The following TMOD3 variants were observed in gnomAD, a reference collection of about 807,000 sequenced individuals.
TMOD3 encodes the protein tropomodulin 3, also known as tropomodulin-3.
A neutral mutation model predicts 39.2 loss-of-function variants in TMOD3; 20 were observed. That is an observed-to-expected ratio of 0.51 (90% CI 0.36 to 0.74). The LOEUF (loss-of-function observed/expected upper bound fraction) is 0.74, where lower values mean the gene tolerates loss of function less well. Ranked by LOEUF, TMOD3 falls within the 30% of genes least tolerant of loss-of-function variation. TMOD3 has a pLI of 0.00. For missense variants in TMOD3, 381 were observed against 412.8 expected (o/e 0.92, Z 0.67); for synonymous variants, 143 against 145.8 (o/e 0.98, Z 0.14).
rs925205666 is a variant in TMOD3, at chr15:51,844,062, G to A, written c.-75+14226G>A. On this transcript the variant is annotated intron_variant, in intron 1 of 9. Coordinates refer to ENST00000308580, the MANE Select transcript of TMOD3 (RefSeq NM_014547.5). Reference sequence around the variant, plus strand: ...ATTTTTTCATATGCAGCATCAAACTGCAACAAATGATTGAATTGTCCTTTA... The same window carrying A: ...ATTTTTTCATATGCAGCATCAAACTACAACAAATGATTGAATTGTCCTTTA... Among the ~76,000 whole-genome samples the A allele has an allele frequency of 1.1e-4, 16 of 151,986 alleles. 1 individual carries two copies. The East Asian group carries it at 3.1e-3, about 29-fold the overall frequency.
intron 3 of TMOD3, among the ~76,000 whole-genome samples, chr15:51,872,596 A>C (rs2056480809): frequency 9.3e-6 from 1 of 107,436 alleles, no homozygotes; most frequent in Non-Finnish European, 2.0e-5. Flanking sequence ...TGAGGACCAA[A>C]TTTGTTTTTT....
At chr15:51,887,550 G>A (rs771045369) in intron 3 of TMOD3, 39 bp from the exon 4 acceptor site, 1 of 1,597,828 alleles carries the variant, frequency 6.3e-7, no homozygotes, top group South Asian at 1.1e-5. Flanking sequence ...TGAGTTGATA[G>A]CAGTAGTAAT....
chr15:51,835,498 G>C (rs1282581552), intron 1 of TMOD3, among the ~76,000 whole-genome samples: 2 of 152,120 alleles, frequency 1.3e-5, no homozygotes, highest in Non-Finnish European at 2.9e-5. Context: ...TAGTAGAGAT[G>C]GAGTTTCATC....
At chr15:51,855,403 G>A (rs891638262) in intron 1 of TMOD3, among the ~76,000 whole-genome samples, 9 of 152,220 alleles carry the variant, frequency 5.9e-5, no homozygotes, top group Non-Finnish European at 1.3e-4. Context: ...GCACTCAAAA[G>A]CAGGAGAAAC....
At chr15:51,883,527 G>C (rs1028772606) in intron 3 of TMOD3, among the ~76,000 whole-genome samples, 2 of 152,032 alleles carry the variant, frequency 1.3e-5, no homozygotes, top group African/African-American at 2.4e-5. Flanking sequence ...ACACATTGTG[G>C]AATAGCTAAA....
intron 5 of TMOD3, among the ~76,000 whole-genome samples, chr15:51,889,611 G>A (rs2056582245): frequency 6.6e-6 from 1 of 152,168 alleles, no homozygotes; most frequent in African/African-American, 2.4e-5. Flanking sequence ...GGTGGATCAT[G>A]ACTGTAATTT....
At chr15:51,905,134 C>A (rs950420585) in intron 9 of TMOD3, among the ~76,000 whole-genome samples, 3 of 152,202 alleles carry the variant, frequency 2.0e-5, no homozygotes, top group African/African-American at 7.2e-5. Context: ...TGACTCATAT[C>A]ATGATGCTGG....
intron 3 of TMOD3, among the ~76,000 whole-genome samples, chr15:51,877,171 ATTG>A (rs1197397373): frequency 1.3e-5 from 2 of 152,164 alleles, no homozygotes; most frequent in African/African-American, 4.8e-5. Context: ...ATCATCTATC[ATTG>A]TTAAGTCAAT....
chr15:51,864,610 A>G (rs2056435844), intron 2 of TMOD3, among the ~76,000 whole-genome samples: 1 of 152,172 alleles, frequency 6.6e-6, no homozygotes, highest in Non-Finnish European at 1.5e-5. Context: ...AGGCAAAAGG[A>G]TCAAGGAACA....
Position 51,900,245 on chromosome 15 carries a change from A to C in TMOD3, c.826A>C (p.Ile276Leu). The change falls in exon 8 of 10, where the codon ATT (isoleucine) becomes CTT (leucine). Residue 276 changes from isoleucine to leucine, a missense_variant. By Grantham distance (5) the Ile-to-Leu change is conservative. Coordinates refer to ENST00000308580, the MANE Select transcript of TMOD3 (RefSeq NM_014547.5). ...FITGVGILAL[I>L]DALRDNETLA... ...CACGGGAGTTGGGATTCTGGCACTG[A>C]TTGATGCGTTAAGAGATAATGAAAC... The C allele has an allele frequency of 1.2e-6, 2 of 1,614,172 alleles. No individual in the cohort carries two copies. The highest frequency in any genetic ancestry group is 1.7e-6 in the Non-Finnish European group (2 of 1,180,040).
At chr15:51,902,348 A>G (rs1445216271) in intron 9 of TMOD3, among the ~76,000 whole-genome samples, 2 of 151,974 alleles carry the variant, frequency 1.3e-5, no homozygotes, top group Non-Finnish European at 2.9e-5. Flanking sequence ...AGATTTCAAC[A>G]TTATCGGAAA....
In TMOD3 at chr15:51,859,278, C is replaced by T. The variant is rs184129848; in HGVS notation, c.-74-3533C>T. Reference sequence around the variant, plus strand: ...TTTCATTGCTCGCCAGTAGATCTGTCTGCAGTTTTCAGGTCTACCAAGGGG... The same window carrying T: ...TTTCATTGCTCGCCAGTAGATCTGTTTGCAGTTTTCAGGTCTACCAAGGGG... On this transcript the variant is annotated intron_variant, in intron 1 of 9. Transcript: ENST00000308580. The T allele has an allele frequency of 1.4e-3, 1,026 of 737,428 alleles. 1 individual carries two copies. The highest frequency in any genetic ancestry group is 2.4e-3 in the Admixed American group (138 of 57,416). The allele number at this position is 737,428 out of a possible 1,614,324, so 45.7% of individuals were successfully genotyped here.
At chr15:51,902,645 T>G (rs2056657681) in intron 9 of TMOD3, among the ~76,000 whole-genome samples, 1 of 20,592 alleles carries the variant, frequency 4.9e-5, no homozygotes, top group African/African-American at 3.8e-4. Context: ...AATTTTTGTA[T>G]TTTTTTTTTT....
intron 2 of TMOD3, among the ~76,000 whole-genome samples, chr15:51,863,575 CT>C (rs909198641): frequency 3.9e-5 from 6 of 152,152 alleles, no homozygotes; most frequent in Non-Finnish European, 8.8e-5. Flanking sequence ...TGTTGTTTGT[CT>C]TATAAATTAC....
intron 1 of TMOD3, among the ~76,000 whole-genome samples, chr15:51,862,259 A>G (rs780432069): frequency 1.3e-5 from 2 of 152,164 alleles, no homozygotes; most frequent in Non-Finnish European, 2.9e-5. Flanking sequence ...TCATCTTCAG[A>G]ATGCTGTATT....
intron 1 of TMOD3, chr15:51,859,267 A>G (rs878908500): frequency 4.1e-6 from 3 of 740,030 alleles, no homozygotes; most frequent in South Asian, 1.3e-5. Flanking sequence ...ATTGCTCGCC[A>G]GTAGATCTGT....
chr15:51,879,241 C>T lies in TMOD3; in HGVS notation c.284-8348C>T, dbSNP rs2056520391. On this transcript the variant is annotated intron_variant, in intron 3 of 9. Coordinates refer to ENST00000308580, the MANE Select transcript of TMOD3 (RefSeq NM_014547.5). ...TTCCTTAGCTGCTGTTTTGTAGTTGCAGAAACATTGCTAAACTGTTTCAAC... is the reference window on the plus strand; with the variant it reads ...TTCCTTAGCTGCTGTTTTGTAGTTGTAGAAACATTGCTAAACTGTTTCAAC... Among the ~76,000 whole-genome samples, 5 of 152,084 alleles carry T rather than the reference C, an allele frequency of 3.3e-5. No individual in the cohort carries two copies. In the South Asian group the frequency reaches 1.0e-3, roughly 32 times the overall value.
In TMOD3 at chr15:51,869,714, C is replaced by T. The variant is rs112936245; in HGVS notation, c.283+341C>T. On this transcript the variant is annotated intron_variant, in intron 3 of 9. Transcript: ENST00000308580. The stretch of plus-strand genomic sequence containing the variant: ...AATGATGTTAAGGCATCTATTCTAA[C>T]TGCATTCTTTAAAGTGGAATGCCAT... Among the ~76,000 whole-genome samples, 407 of 152,338 alleles carry T rather than the reference C, an allele frequency of 2.7e-3. 6 individuals carry two copies. Among genetic ancestry groups the T allele is most frequent in the African/African-American group, 9.3e-3 (387 of 41,580 alleles).
intron 1 of TMOD3, among the ~76,000 whole-genome samples, chr15:51,838,331 A>AG (rs1251472123): frequency 6.6e-6 from 1 of 152,224 alleles, no homozygotes; most frequent in Non-Finnish European, 1.5e-5. Context: ...CTTGAAAAAA[A>AG]CAAAAAGCAC....
Sources: allele counts gnomAD v4.1 joint callset (sites outside exome capture counted in the v4.1 genomes callset), GRCh38; gene constraint gnomAD v4.1.1; transcripts MANE v1.5; gene names NCBI Gene and HGNC (gene_info 2026-07-23, HGNC 2026-07-21).